CELF2: variants seen among roughly 807,000 people sequenced by gnomAD.
The protein encoded by CELF2 is CUG triplet repeat RNA-binding protein 2.
Under a neutral mutation model 62.6 loss-of-function variants are expected in CELF2, and 8 were observed. The ratio of observed to expected loss-of-function variants is 0.13; its 90% confidence interval spans 0.07 to 0.23. CELF2 has a LOEUF of 0.23. Ranked by LOEUF, CELF2 falls within the 10% of genes least tolerant of loss-of-function variation. The probability of loss-of-function intolerance (pLI) is 1.00; values close to 1 mark genes in which losing one functional copy is unlikely to be tolerated. For missense variants in CELF2, 333 were observed against 671.0 expected (o/e 0.50, Z 5.56); for synonymous variants, 258 against 250.0 (o/e 1.03, Z -0.30).
chr10:10,603,556 A>G, the CELF2 span, among the ~76,000 whole-genome samples: 2 of 152,222 alleles, frequency 1.3e-5, no homozygotes, highest in African/African-American at 4.8e-5. Context: ...TTATCACAAA[A>G]GTAGACTTTA....
At chr10:10,953,584 C>A (rs537230391) in intron 2 of CELF2, among the ~76,000 whole-genome samples, 1 of 152,082 alleles carries the variant, frequency 6.6e-6, no homozygotes, top group African/African-American at 2.4e-5. Context: ...AGAGCCATAC[C>A]TTCCACCAGG....
At chr10:10,529,452 C>A in the CELF2 span, among the ~76,000 whole-genome samples, 10 of 152,028 alleles carry the variant, frequency 6.6e-5, no homozygotes, top group African/African-American at 2.4e-4. Context: ...TATGGGAGGC[C>A]AACGTGGGCG....
At chr10:10,980,572 G>GC (rs1221459492) in intron 2 of CELF2, among the ~76,000 whole-genome samples, 2 of 152,122 alleles carry the variant, frequency 1.3e-5, no homozygotes, top group Non-Finnish European at 2.9e-5. Context: ...CAATCACCTT[G>GC]CATCAACCTA....
intron 1 of CELF2, among the ~76,000 whole-genome samples, chr10:11,032,747 A>T (rs2060328267): frequency 6.6e-6 from 1 of 152,226 alleles, no homozygotes; most frequent in East Asian, 1.9e-4. Context: ...TAATTGACGA[A>T]GGTTGCTCAG....
At chr10:10,585,041 C>G in the CELF2 span, among the ~76,000 whole-genome samples, 1 of 151,918 alleles carries the variant, frequency 6.6e-6, no homozygotes, top group African/African-American at 2.4e-5. Context: ...AGAATTTTAA[C>G]AGGAAGGGAT....
At chr10:10,825,241 G>A (rs1242080135) in intron 1 of CELF2, among the ~76,000 whole-genome samples, 1 of 152,042 alleles carries the variant, frequency 6.6e-6, no homozygotes, top group Non-Finnish European at 1.5e-5. Context: ...ACGGAGTCTC[G>A]CTCTGTCACC....
chr10:10,898,298 G>A (rs531401105), intron 1 of CELF2, among the ~76,000 whole-genome samples: 23 of 152,282 alleles, frequency 1.5e-4, no homozygotes, highest in Middle Eastern at 3.4e-3. Flanking sequence ...GGAACCTTTC[G>A]AGCTGATGCT....
Position 11,165,435 on chromosome 10 carries a change from T to A in CELF2, c.75-51T>A. On this transcript the variant is annotated intron_variant, in intron 1 of 12. Coordinates refer to ENST00000633077, the MANE Select transcript of CELF2 (RefSeq NM_001326342.2). This position sits in a 1 kb window ranked among gnomAD's most constrained non-coding sequence, Gnocchi z 7.4. ...CCCCACCCCCACTATTTTTTCTTCC[T>A]GTCCCTCATCGTGCCGCCCTAACTC... 19 of 1,551,402 alleles carry A rather than the reference T, an allele frequency of 1.2e-5. No individual in the cohort carries two copies. Among genetic ancestry groups the A allele is most frequent in the Non-Finnish European group, 1.7e-5 (19 of 1,138,508 alleles).
the CELF2 span, among the ~76,000 whole-genome samples, chr10:10,629,802 A>T: frequency 7.9e-6 from 1 of 127,272 alleles, no homozygotes; most frequent in Non-Finnish European, 1.6e-5. Flanking sequence ...ATTGCACGTG[A>T]TGTCATGTTA....
At chr10:10,541,253 A>AG in the CELF2 span, among the ~76,000 whole-genome samples, 8 of 151,270 alleles carry the variant, frequency 5.3e-5, no homozygotes, top group African/African-American at 1.9e-4. Flanking sequence ...AAAAAAAAAA[A>AG]AAAAAAAGAC....
chr10:10,863,583 T>C (rs1442525632), intron 1 of CELF2, among the ~76,000 whole-genome samples: 2 of 151,998 alleles, frequency 1.3e-5, no homozygotes, highest in Non-Finnish European at 2.9e-5. Flanking sequence ...AGTATTAGGT[T>C]GATGCAAAAG....
chr10:10,596,956 G>C, the CELF2 span, among the ~76,000 whole-genome samples: 2 of 152,090 alleles, frequency 1.3e-5, no homozygotes, highest in African/African-American at 4.8e-5. Flanking sequence ...AAGCTATGGT[G>C]GTTCCTCAAG....
At chr10:10,511,833 C>T in the CELF2 span, among the ~76,000 whole-genome samples, 1 of 152,198 alleles carries the variant, frequency 6.6e-6, no homozygotes, top group Non-Finnish European at 1.5e-5. Context: ...AGAACCATAT[C>T]AAGGCCTGCT....
At chr10:11,256,978 G>A (rs1022135770) in intron 4 of CELF2, among the ~76,000 whole-genome samples, 6 of 151,902 alleles carry the variant, frequency 3.9e-5, no homozygotes, top group South Asian at 2.1e-4. Context: ...CTGGAAGCTC[G>A]GGGCCATCCA....
chr10:10,712,805 C>G, the CELF2 span, among the ~76,000 whole-genome samples: 8 of 152,182 alleles, frequency 5.3e-5, no homozygotes, highest in Admixed American at 2.6e-4. Context: ...CCAACTTCCA[C>G]CACCACTCAC....
At chr10:11,086,454 A>G (rs2046760225) in intron 1 of CELF2, among the ~76,000 whole-genome samples, 2 of 151,948 alleles carry the variant, frequency 1.3e-5, no homozygotes, top group Non-Finnish European at 1.5e-5. Flanking sequence ...ACATTCCAAC[A>G]TCATTATGTA....
chr10:11,070,716 G>A (rs1331313388), intron 1 of CELF2, among the ~76,000 whole-genome samples: 1 of 152,200 alleles, frequency 6.6e-6, no homozygotes, highest in Non-Finnish European at 1.5e-5. Flanking sequence ...AGCTTGTGAA[G>A]GAGACGGAGG....
chr10:10,649,974 A>G, the CELF2 span, among the ~76,000 whole-genome samples: 1 of 151,974 alleles, frequency 6.6e-6, no homozygotes, highest in Non-Finnish European at 1.5e-5. Flanking sequence ...CAACACAGCC[A>G]GGATATCCAC....
chr10:10,992,103 A>G (rs910667814), intron 2 of CELF2, among the ~76,000 whole-genome samples: 11 of 152,342 alleles, frequency 7.2e-5, no homozygotes, highest in Middle Eastern at 3.4e-3. Flanking sequence ...AAACAAATTT[A>G]CTAGTCAATT....
Sources: allele counts gnomAD v4.1 joint callset (sites outside exome capture counted in the v4.1 genomes callset), GRCh38; gene constraint gnomAD v4.1.1; non-coding constraint Gnocchi (gnomAD v3.1); transcripts MANE v1.5; gene names NCBI Gene and HGNC (gene_info 2026-07-23, HGNC 2026-07-21).